Variants in KANK1 observed in about 807,000 individuals in gnomAD.
KANK1 encodes KN motif and ankyrin repeat domains 1, also known as KN motif and ankyrin repeat domain-containing protein 1.
In KANK1, 109 loss-of-function variants were observed where a neutral mutation model predicts 106.2. The observed-to-expected ratio is 1.03, with a 90% confidence interval of 0.88 to 1.20. The LOEUF is 1.20. Among genes scored for constraint, KANK1 ranks in the 50% most tolerant of loss-of-function variants. The probability of loss-of-function intolerance (pLI) is 0.00; values close to 1 mark genes in which losing one functional copy is unlikely to be tolerated. For missense variants in KANK1, 2,399 were observed against 1,710.7 expected, an observed-to-expected ratio of 1.40 and a Z score of -7.10; for synonymous variants, 873 against 652.2, an observed-to-expected ratio of 1.34 and a Z score of -5.16.
At chr9:575,489 A>G (rs1312134796) in intron 1 of KANK1, among the ~76,000 whole-genome samples, 2 of 145,482 alleles carry the variant, frequency 1.4e-5, no homozygotes, top group Admixed American at 7.0e-5. Flanking sequence ...GCAACATAGC[A>G]AGACCCTGTC....
intron 3 of KANK1, among the ~76,000 whole-genome samples, chr9:725,591 A>T (rs1184954173): frequency 6.6e-6 from 1 of 152,066 alleles, no homozygotes; most frequent in Non-Finnish European, 1.5e-5. Flanking sequence ...ATTGTTTTAA[A>T]CCAGTCAAAG....
chr9:671,056 T>C (rs1282833941), intron 1 of KANK1, among the ~76,000 whole-genome samples: 1 of 151,204 alleles, frequency 6.6e-6, no homozygotes, highest in Non-Finnish European at 1.5e-5. Context: ...CTCGATGGTG[T>C]ATATTTATTT....
chr9:739,228 T>A (rs1056124094), intron 8 of KANK1, among the ~76,000 whole-genome samples: 10 of 152,228 alleles, frequency 6.6e-5, no homozygotes, highest in Non-Finnish European at 1.2e-4. Flanking sequence ...TGATGCCACA[T>A]AGACCCCAAG....
chr9:730,256 T>C lies in KANK1; in HGVS notation c.2896+8T>C, dbSNP rs1228170689. On this transcript the variant is annotated splice_region_variant and intron_variant, in intron 4 of 11. Coordinates refer to ENST00000382297, the MANE Select transcript of KANK1 (RefSeq NM_015158.5). ...TCGCCGCTGGCCTCTATGGTAACTT[T>C]TCTCACTCACAGTCATTGGCATCAG... is the stretch of plus-strand genomic sequence containing the variant. The C allele has an allele frequency of 6.2e-7, 1 of 1,613,990 alleles. No individual in the cohort carries two copies. The highest frequency in any genetic ancestry group is 2.2e-5 in the East Asian group (1 of 44,880).
intron 1 of KANK1, among the ~76,000 whole-genome samples, chr9:563,778 A>T (rs1335706364): frequency 2.0e-5 from 3 of 152,164 alleles, no homozygotes; most frequent in African/African-American, 2.4e-5. Flanking sequence ...GGGACCACTG[A>T]CGCAGCAAAT....
chr9:580,491 C>G (rs1307943586), intron 1 of KANK1, among the ~76,000 whole-genome samples: 2 of 152,306 alleles, frequency 1.3e-5, no homozygotes, highest in East Asian at 3.9e-4. Context: ...GCTGATTGGT[C>G]CATTTTGACA....
At chr9:612,620 G>C (rs968438176) in intron 1 of KANK1, among the ~76,000 whole-genome samples, 2 of 152,064 alleles carry the variant, frequency 1.3e-5, no homozygotes, top group African/African-American at 4.8e-5. Context: ...TCTAGGAATG[G>C]GACAAAGTAC....
At chr9:509,355 C>G (rs990771277) in intron 1 of KANK1, among the ~76,000 whole-genome samples, 1 of 152,198 alleles carries the variant, frequency 6.6e-6, no homozygotes, top group Admixed American at 6.5e-5. Flanking sequence ...CTCGGCCTCC[C>G]AAAGTGCTGT....
intron 1 of KANK1, among the ~76,000 whole-genome samples, chr9:600,551 T>C (rs1476132339): frequency 6.6e-6 from 1 of 151,910 alleles, no homozygotes; most frequent in Non-Finnish European, 1.5e-5. Context: ...GGTATGTGTA[T>C]GAGCTATATA....
intron 7 of KANK1, among the ~76,000 whole-genome samples, chr9:737,377 C>T (rs539374467): frequency 6.6e-6 from 1 of 152,224 alleles, no homozygotes; most frequent in African/African-American, 2.4e-5. Flanking sequence ...GTGCTTCTGA[C>T]ATAGGCTGTC....
intron 1 of KANK1, among the ~76,000 whole-genome samples, chr9:648,725 G>C (rs1563923570): frequency 2.0e-5 from 3 of 152,138 alleles, no homozygotes; most frequent in Admixed American, 6.5e-5. Context: ...TGTTGCGGGG[G>C]AGAGTATCTC....
chr9:642,561 ACACT>A (rs1275469480), intron 1 of KANK1, among the ~76,000 whole-genome samples: 1 of 150,986 alleles, frequency 6.6e-6, no homozygotes, highest in African/African-American at 2.5e-5. Flanking sequence ...GTTCTTGGAC[ACACT>A]CAGCTACTAG....
intron 1 of KANK1, among the ~76,000 whole-genome samples, chr9:518,675 A>G (rs7026716): frequency 0.31 from 46,900 of 151,412 alleles, 8,927 homozygotes; most frequent in Non-Finnish European, 0.43. Flanking sequence ...TTTCCTGACT[A>G]TAAAACTCCC....
At position 638,284 on chromosome 9, in the gene KANK1, G is replaced by A. The variant is rs77421304; in HGVS notation, c.-83-38606G>A. The stretch of plus-strand genomic sequence containing the variant: ...GAGGCTGAGAAGTCCAAGATCAGGG[G>A]GACATGTGGTAAACGCCTTCTTGCT... On this transcript the variant is annotated intron_variant, in intron 1 of 11. Transcript: ENST00000382297. Among the ~76,000 whole-genome samples the A allele has an allele frequency of 7.2e-5, 11 of 152,262 alleles. No individual in the cohort carries two copies. The East Asian group carries it at 1.9e-3, about 27-fold the overall frequency.
intron 1 of KANK1, among the ~76,000 whole-genome samples, chr9:535,311 T>C (rs920599461): frequency 1.3e-5 from 2 of 152,192 alleles, no homozygotes; most frequent in Non-Finnish European, 2.9e-5. Context: ...ATCTGTTTCC[T>C]TCCCTTATGC....
In KANK1 at chr9:710,895, A is replaced by G. The variant is rs758067074; in HGVS notation, c.129A>G (p.Leu43=). The change falls in exon 3 of 12, where the codon TTA becomes TTG. Residue 43 remains leucine (L), a synonymous_variant. Transcript: ENST00000382297. ...CCCCCTATGGTTATCAACTAGACTT[A>G]GATTTCCTCAAATATGTGGATGACA... is the stretch of plus-strand genomic sequence containing the variant. The part of the protein sequence containing the change: ...VETPYGYQLD[L]DFLKYVDDIQ... 1.9e-6 allele frequency: 3 copies of G among 1,614,074 alleles called. No homozygotes were observed. The African/African-American group carries it at 4.0e-5, about 22-fold the overall frequency.
chr9:743,729 G>C lies in KANK1; in HGVS notation c.3898-762G>C, dbSNP rs1440762220. Among the ~76,000 whole-genome samples the C allele has an allele frequency of 5.3e-5, 8 of 152,250 alleles. No homozygotes were observed. In the East Asian group the frequency reaches 1.5e-3, roughly 29 times the overall value. On this transcript the variant is annotated intron_variant, in intron 10 of 11. Coordinates refer to ENST00000382297, the MANE Select transcript of KANK1 (RefSeq NM_015158.5). The stretch of plus-strand genomic sequence containing the variant: ...AAAAAAAAATTATCTAGGTGTGGTG[G>C]TATGCACCTGTAGTCTCAGATACCG...
intron 1 of KANK1, among the ~76,000 whole-genome samples, chr9:507,552 GC>G (rs1472544058): frequency 6.9e-6 from 1 of 145,812 alleles, no homozygotes; most frequent in African/African-American, 2.7e-5. Context: ...ACCATGCCCG[GC>G]TAATTTTTTT....
At chr9:626,892 A>G (rs1204729143) in intron 1 of KANK1, among the ~76,000 whole-genome samples, 2 of 152,226 alleles carry the variant, frequency 1.3e-5, no homozygotes, top group Non-Finnish European at 2.9e-5. Flanking sequence ...TAAACCAGAT[A>G]GAAGACAGGC....
Sources: gnomAD v4.1 joint callset for allele counts (sites outside exome capture counted in the v4.1 genomes callset) on GRCh38, gnomAD v4.1.1 for gene constraint, MANE v1.5 for transcripts, NCBI Gene and HGNC (gene_info 2026-07-23, HGNC 2026-07-21) for gene names.